DIRAS2: variants seen among roughly 807,000 people sequenced by gnomAD.
DIRAS2 encodes the protein DIRAS family GTPase 2.
DIRAS2 carries 5 observed loss-of-function variants against 13.9 expected under a neutral mutation model. That is an observed-to-expected ratio of 0.36 (90% confidence interval 0.19 to 0.76). The LOEUF (loss-of-function observed/expected upper bound fraction) is 0.76, where lower values mean the gene tolerates loss of function less well. Among genes scored for constraint, DIRAS2 ranks in the 30% least tolerant of loss-of-function variants. The pLI is 0.53. For synonymous variants in DIRAS2, 111 were observed against 105.4 expected, an observed-to-expected ratio of 1.05 and a Z score of -0.33; for missense variants, 191 against 263.0, an observed-to-expected ratio of 0.73 and a Z score of 1.89.
At chr9:90,630,692 A>T (rs1825317090) in intron 1 of DIRAS2, among the ~76,000 whole-genome samples, 1 of 152,206 alleles carries the variant, frequency 6.6e-6, no homozygotes, top group Non-Finnish European at 1.5e-5. Context: ...TCTTTTATAC[A>T]AAAAGCGCTG....
chr9:90,618,228 A>G (rs1423615409), intron 1 of DIRAS2, among the ~76,000 whole-genome samples: 2 of 152,254 alleles, frequency 1.3e-5, no homozygotes, highest in African/African-American at 4.8e-5. Context: ...ACACAGATAC[A>G]TGAACAGAAT....
At chr9:90,628,923 C>T (rs1315152245) in intron 1 of DIRAS2, among the ~76,000 whole-genome samples, 2 of 151,942 alleles carry the variant, frequency 1.3e-5, no homozygotes, top group African/African-American at 2.4e-5. Flanking sequence ...GGCGCAATCT[C>T]GGCTCACCGC....
At chr9:90,641,052 C>G (rs1232660044) in intron 1 of DIRAS2, among the ~76,000 whole-genome samples, 1 of 152,048 alleles carries the variant, frequency 6.6e-6, no homozygotes, top group African/African-American at 2.4e-5. Flanking sequence ...ATTTCCAATA[C>G]AGTAAAAGTC....
At chr9:90,629,136 G>A (rs1415431039) in intron 1 of DIRAS2, among the ~76,000 whole-genome samples, 2 of 152,148 alleles carry the variant, frequency 1.3e-5, no homozygotes, top group Non-Finnish European at 2.9e-5. Flanking sequence ...TTACAGGCGT[G>A]AGCCACCACG....
At chr9:90,641,082 C>T (rs983943766) in intron 1 of DIRAS2, among the ~76,000 whole-genome samples, 2 of 151,958 alleles carry the variant, frequency 1.3e-5, no homozygotes, top group Non-Finnish European at 2.9e-5. Flanking sequence ...GTATAGGATA[C>T]GAACAACATA....
At position 90,613,588 on chromosome 9, in the gene DIRAS2, G is replaced by A. The variant is rs781592498; in HGVS notation, c.240C>T (p.His80=). 10 of 1,614,068 alleles carry A rather than the reference G, an allele frequency of 6.2e-6. No individual in the cohort carries two copies. The highest frequency in any genetic ancestry group is 4.4e-5 in the South Asian group (4 of 91,086). Residue 80 remains histidine, a synonymous_variant, in exon 2 of 2, where the codon CAC becomes CAT. Coordinates refer to ENST00000375765, the MANE Select transcript of DIRAS2 (RefSeq NM_017594.5). The surrounding 1 kb of genome is among the most constrained non-coding windows in gnomAD (Gnocchi z 5.6). ...TAATGGAGTACACCAGGATGAAGGC[G>A]TGCCCTTTGGAGATGGACAGCCGCT... is the stretch of plus-strand genomic sequence containing the variant. ...AMQRLSISKG[H]AFILVYSITS... is the part of the protein sequence containing the mutation.
intron 1 of DIRAS2, among the ~76,000 whole-genome samples, chr9:90,632,366 C>A (rs1825333134): frequency 6.6e-6 from 1 of 152,174 alleles, no homozygotes; most frequent in Admixed American, 6.5e-5. Context: ...GCCCTGGTTG[C>A]TCCCACTACC....
chr9:90,629,414 G>A (rs1291127434), intron 1 of DIRAS2, among the ~76,000 whole-genome samples: 3 of 151,856 alleles, frequency 2.0e-5, no homozygotes, highest in Non-Finnish European at 1.5e-5. Flanking sequence ...AAAAATCCAC[G>A]AGCCACTGGA....
At chr9:90,635,050 C>T (rs1409420528) in intron 1 of DIRAS2, among the ~76,000 whole-genome samples, 1 of 152,222 alleles carries the variant, frequency 6.6e-6, no homozygotes, top group Non-Finnish European at 1.5e-5. Flanking sequence ...AGAACTGAGG[C>T]TCTGGATGGT....
At position 90,610,531 on chromosome 9, in the gene DIRAS2, T is replaced by C. The variant is rs1409387918; in HGVS notation, c.*2697A>G. The C allele has an allele frequency of 5.0e-6, 2 of 398,142 alleles. No individual in the cohort carries two copies. Among genetic ancestry groups the C allele is most frequent in the Non-Finnish European group, 8.9e-6 (2 of 225,760 alleles). 24.7% of individuals were successfully genotyped at this position (398,142 alleles called of 1,614,324 possible). ...CAATATTTAATTAAATATTAACTTA[T>C]TCTGCCTGGGTCAAAAACTGCTATG... On this transcript the variant is annotated 3_prime_UTR_variant, in exon 2 of 2. Coordinates refer to ENST00000375765, the MANE Select transcript of DIRAS2 (RefSeq NM_017594.5).
chr9:90,627,301 A>T (rs1241284964), intron 1 of DIRAS2, among the ~76,000 whole-genome samples: 1 of 152,234 alleles, frequency 6.6e-6, no homozygotes, highest in Non-Finnish European at 1.5e-5. Context: ...ATTTCTTTAT[A>T]GCAATGCAAG....
chr9:90,632,266 TC>T (rs943566777), intron 1 of DIRAS2, among the ~76,000 whole-genome samples: 2 of 152,056 alleles, frequency 1.3e-5, no homozygotes, highest in African/African-American at 2.4e-5. Context: ...TTACCCTCAT[TC>T]CCACCATTAT....
intron 1 of DIRAS2, among the ~76,000 whole-genome samples, chr9:90,630,411 T>A (rs1354819786): frequency 6.6e-6 from 1 of 152,218 alleles, no homozygotes; most frequent in Non-Finnish European, 1.5e-5. Flanking sequence ...GTGATAGAGG[T>A]GAGTTTACTG....
In DIRAS2 at chr9:90,610,527, C is replaced by G. The variant is rs1825101810; in HGVS notation, c.*2701G>C. The G allele has an allele frequency of 2.5e-6, 1 of 398,162 alleles. No individual in the cohort carries two copies. The allele number at this position is 398,162 out of a possible 1,614,324, so 24.7% of individuals were successfully genotyped here. A position where few individuals can be genotyped will look rare whatever the true frequency, so the allele number is the denominator to read the frequency against. On this transcript the variant is annotated 3_prime_UTR_variant, in exon 2 of 2. Transcript: ENST00000375765. ...AAAGCAATATTTAATTAAATATTAACTTATTCTGCCTGGGTCAAAAACTGC... is the reference window on the plus strand; with the variant it reads ...AAAGCAATATTTAATTAAATATTAAGTTATTCTGCCTGGGTCAAAAACTGC...
intron 1 of DIRAS2, among the ~76,000 whole-genome samples, chr9:90,640,124 C>G (rs1331502): frequency 0.6 from 90,864 of 152,096 alleles, 27,431 homozygotes; most frequent in South Asian, 0.67. Context: ...GCTGGCTTAA[C>G]TATATCATTA....
At chr9:90,618,790 A>T (rs55739510) in intron 1 of DIRAS2, among the ~76,000 whole-genome samples, 3 of 152,168 alleles carry the variant, frequency 2.0e-5, no homozygotes, top group Non-Finnish European at 1.5e-5. Flanking sequence ...ATAGTCAATA[A>T]GAAGATATAC....
At chr9:90,630,703 T>C (rs1008638672) in intron 1 of DIRAS2, among the ~76,000 whole-genome samples, 1 of 152,208 alleles carries the variant, frequency 6.6e-6, no homozygotes, top group Non-Finnish European at 1.5e-5. Flanking sequence ...AAAAGCGCTG[T>C]TTTAAGTTTA....
chr9:90,632,963 C>G (rs1179882011), intron 1 of DIRAS2, among the ~76,000 whole-genome samples: 4 of 152,206 alleles, frequency 2.6e-5, no homozygotes, highest in Non-Finnish European at 1.5e-5. Flanking sequence ...ATCCATGGCT[C>G]TCTGTTGTAG....
chr9:90,638,064 T>G (rs1259547241), intron 1 of DIRAS2, among the ~76,000 whole-genome samples: 2 of 152,214 alleles, frequency 1.3e-5, no homozygotes, highest in Admixed American at 1.3e-4. Context: ...TTAACAAACT[T>G]TTCCTTTTTA....
Sources: gnomAD v4.1 joint callset for allele counts (sites outside exome capture counted in the v4.1 genomes callset) on GRCh38, gnomAD v4.1.1 for gene constraint, Gnocchi (gnomAD v3.1) non-coding constraint, MANE v1.5 for transcripts, NCBI Gene and HGNC (gene_info 2026-07-23, HGNC 2026-07-21) for gene names.